ADAM15: variants seen among roughly 807,000 people sequenced by gnomAD.
ADAM15 encodes ADAM metallopeptidase domain 15, also known as disintegrin and metalloproteinase domain-containing protein 15.
In ADAM15, 77 loss-of-function variants were observed where a neutral mutation model predicts 113.8. The observed-to-expected ratio is 0.68, with a 90% confidence interval of 0.56 to 0.82. The LOEUF is 0.82. ADAM15 is among the 40% of genes least tolerant of loss of function. ADAM15 has a pLI of 0.00. For missense variants in ADAM15, 963 were observed against 1,120.1 expected, an observed-to-expected ratio of 0.86 and a Z score of 2.00; for synonymous variants, 388 against 454.1, an observed-to-expected ratio of 0.85 and a Z score of 1.85.
In ADAM15 at chr1:155,058,086, A is replaced by G. The variant is rs1662045256; in HGVS notation, c.1652A>G (p.Asn551Ser). 1 of 1,613,968 alleles carries G rather than the reference A, an allele frequency of 6.2e-7. No homozygotes were observed. Among genetic ancestry groups the G allele is most frequent in the African/African-American group, 1.3e-5 (1 of 74,920 alleles). Reference protein sequence around the residue: ...PAAPLCLQTANTRGNAFGSCG... With the variant: ...PAAPLCLQTASTRGNAFGSCG... ...GCGCCACTTTGCCTCCAGACAGCTA[A>G]TACTCGGGGAAATGCTTTTGGGAGC... The change falls in exon 14 of 23, where the codon AAT becomes AGT. Residue 551 changes from asparagine (N) to serine (S), a missense_variant. Transcript: ENST00000356955. The surrounding 1 kb of genome is among the most constrained non-coding windows in gnomAD (Gnocchi z 4.3).
chr1:155,061,831 C>T, intron 20 of ADAM15, 73 bp from the exon 21 acceptor site: 7 of 1,446,524 alleles, frequency 4.8e-6, no homozygotes, highest in Non-Finnish European at 6.5e-6. Flanking sequence ...ACTTGAACCC[C>T]TCTGGGGAAT....
chr1:155,061,123 C>T, intron 19 of ADAM15: 1 of 579,510 alleles, frequency 1.7e-6, no homozygotes, highest in Non-Finnish European at 3.1e-6. Context: ...GCAGTGACCC[C>T]AGGAGGGCAC....
At chr1:155,052,480 G>A (rs1661182979) in intron 1 of ADAM15, 191 bp from the exon 2 acceptor site, 1 of 1,533,156 alleles carries the variant, frequency 6.5e-7, no homozygotes, top group African/African-American at 1.4e-5. Flanking sequence ...TTGGTGGGTG[G>A]AAAGCCATAA....
chr1:155,057,755 C>A lies in ADAM15; in HGVS notation c.1416+26C>A, dbSNP rs367848266. 1.9e-6 allele frequency: 3 copies of A among 1,613,948 alleles called. No homozygotes were observed. The Admixed American group carries it at 5.0e-5, about 27-fold the overall frequency. On this transcript the variant is annotated intron_variant, in intron 13 of 22. Transcript: ENST00000356955. This position sits in a 1 kb window ranked among gnomAD's most constrained non-coding sequence, Gnocchi z 5.0. ...GTGGGTAGAGACTAGACTGGCCACC[C>A]GGAGCTCACCTGCCGGGGCCAAGGT...
In ADAM15 at chr1:155,058,276, G is replaced by C. The variant is rs1662070544; in HGVS notation, c.1752G>C (p.Gln584His). ...RDAICGQLQCQTGRTQPLLGS... is the reference protein window; with the variant it reads ...RDAICGQLQCHTGRTQPLLGS... ...CCATTTGTGGGCAGCTCCAGTGCCAGACAGGTAGGACCCAGCCTCTGCTGG... is the reference window on the plus strand; with the variant it reads ...CCATTTGTGGGCAGCTCCAGTGCCACACAGGTAGGACCCAGCCTCTGCTGG... The change falls in exon 15 of 23, where the codon CAG becomes CAC. Residue 584 changes from glutamine to histidine, a missense_variant. By Grantham distance (24) the Gln-to-His change is conservative. Transcript: ENST00000356955. The surrounding 1 kb of genome is among the most constrained non-coding windows in gnomAD (Gnocchi z 4.3). 1.2e-6 allele frequency: 2 copies of C among 1,614,000 alleles called. No individual in the cohort carries two copies. The highest frequency in any genetic ancestry group is 1.3e-5 in the African/African-American group (1 of 74,932).
intron 2 of ADAM15, 52 bp from the exon 3 acceptor site, chr1:155,053,365 C>G: frequency 6.5e-7 from 1 of 1,549,536 alleles, no homozygotes; most frequent in Non-Finnish European, 8.9e-7. Flanking sequence ...GTTAGAGAGG[C>G]TGGGAGTTGT....
In ADAM15 at chr1:155,056,388, G is replaced by C; in HGVS notation, c.917G>C (p.Gly306Ala). Residue 306 changes from glycine (G) to alanine (A), a missense_variant and splice_region_variant, in exon 10 of 23, where the codon GGT (glycine) becomes GCT (alanine). By Grantham distance (60) the Gly-to-Ala change is moderately conservative. Coordinates refer to ENST00000356955, the MANE Select transcript of ADAM15 (RefSeq NM_207197.3). This position sits in a 1 kb window ranked among gnomAD's most constrained non-coding sequence, Gnocchi z 4.0. Reference sequence around the variant, plus strand: ...ACTTTAGCCTCTCTGTCCCACAGTGGTACTTCATTCTCTGGGCCTACGGTG... The same window carrying C: ...ACTTTAGCCTCTCTGTCCCACAGTGCTACTTCATTCTCTGGGCCTACGGTG... ...LPHDSAQLVT[G>A]TSFSGPTVGM... is the part of the protein sequence containing the mutation. 6.2e-7 allele frequency: 1 copy of C among 1,614,074 alleles called. No homozygotes were observed. The highest frequency in any genetic ancestry group is 8.5e-7 in the Non-Finnish European group (1 of 1,179,948).
rs888536720 is a variant in ADAM15, at chr1:155,055,854, T to C, written c.675+2T>C. The C allele has an allele frequency of 1.5e-5, 25 of 1,614,016 alleles. No homozygotes were observed. Among genetic ancestry groups the C allele is most frequent in the Non-Finnish European group, 1.6e-5 (19 of 1,180,016 alleles). On this transcript the variant is annotated splice_donor_variant, in intron 7 of 22. Coordinates refer to ENST00000356955, the MANE Select transcript of ADAM15 (RefSeq NM_207197.3). LOFTEE classifies it high-confidence loss of function. ...GTGATTGTGGCTGATCACTCGGAGG[T>C]GAGCCTGCTGGCCCCTGCACATCCT...
chr1:155,061,724 CCT>C (rs1662643414), intron 20 of ADAM15, 178 bp from the exon 21 acceptor site: 5 of 817,578 alleles, frequency 6.1e-6, no homozygotes, highest in Admixed American at 5.4e-5. Context: ...CTGCGGTTGA[CCT>C]ACACCTTCCT....
In ADAM15 at chr1:155,060,487, C is replaced by T. The variant is rs577681137; in HGVS notation, c.2207+144C>T. 6.3e-5 allele frequency: 77 copies of T among 1,215,004 alleles called. 1 individual carries two copies. The African/African-American group carries it at 1.0e-3, about 16-fold the overall frequency. 75.3% of individuals were successfully genotyped at this position (1,215,004 alleles called of 1,614,324 possible). On this transcript the variant is annotated intron_variant, in intron 18 of 22. Coordinates refer to ENST00000356955, the MANE Select transcript of ADAM15 (RefSeq NM_207197.3). ...TGCTGACTGCCATACCCCACACCTC[C>T]CTTCCCTATATGTGCCCACAGCTTT...
rs1661744007 is a variant in ADAM15, at chr1:155,056,235, T to C, written c.900T>C (p.Ser300=). ...TGCTGCCTCGATTGCCCCATGACAG[T>C]GCCCAGCTGGTGACGTAAGGGCCCC... ...AHLLPRLPHD[S]AQLVTGTSFS... Residue 300 remains serine, a synonymous_variant, in exon 9 of 23, where the codon AGT becomes AGC. Coordinates refer to ENST00000356955, the MANE Select transcript of ADAM15 (RefSeq NM_207197.3). This position sits in a 1 kb window ranked among gnomAD's most constrained non-coding sequence, Gnocchi z 4.0. The C allele has an allele frequency of 6.2e-7, 1 of 1,613,860 alleles. No individual in the cohort carries two copies. Among genetic ancestry groups the C allele is most frequent in the Admixed American group, 1.7e-5 (1 of 59,998 alleles).
intron 6 of ADAM15, 160 bp from the exon 7 acceptor site, chr1:155,055,630 A>T: frequency 1.4e-6 from 1 of 711,508 alleles, no homozygotes; most frequent in Admixed American, 2.4e-5. Flanking sequence ...CTCCTTGGCA[A>T]GTTCCTGGGC....
chr1:155,060,187 C>T lies in ADAM15; in HGVS notation c.2069-18C>T. ...GTTCTTAGCCCCGTCCTCCCTTAAA[C>T]CTGACTTCCGCCCACAGCAACCAGC... On this transcript the variant is annotated intron_variant, in intron 17 of 22. Coordinates refer to ENST00000356955, the MANE Select transcript of ADAM15 (RefSeq NM_207197.3). 1 of 1,613,242 alleles carries T rather than the reference C, an allele frequency of 6.2e-7. No individual in the cohort carries two copies.
chr1:155,059,814 T>C (rs1662321876), intron 16 of ADAM15, 88 bp from the exon 17 acceptor site: 23 of 1,420,686 alleles, frequency 1.6e-5, no homozygotes, highest in Non-Finnish European at 2.1e-5. Flanking sequence ...CAACCCCCAG[T>C]TGTAGAAATC....
At chr1:155,060,976 G>A in intron 19 of ADAM15, 144 bp downstream of exon 19, 2 of 776,914 alleles carry the variant, frequency 2.6e-6, no homozygotes, top group Non-Finnish European at 4.1e-6. Context: ...GGCCAGCCCT[G>A]CCCTCCCCTC....
In ADAM15 at chr1:155,062,191, T is replaced by G; in HGVS notation, c.2425-54T>G. ...TTCCCCAGCACCAGTGCGTTGGGGG[T>G]GGGCAACATGACACCCCCCCACCTA... On this transcript the variant is annotated intron_variant, in intron 21 of 22. Coordinates refer to ENST00000356955, the MANE Select transcript of ADAM15 (RefSeq NM_207197.3). The surrounding 1 kb of genome is among the most constrained non-coding windows in gnomAD (Gnocchi z 7.0). The G allele has an allele frequency of 6.9e-7, 1 of 1,443,178 alleles. No homozygotes were observed. The highest frequency in any genetic ancestry group is 9.1e-7 in the Non-Finnish European group (1 of 1,095,132). The allele number at this position is 1,443,178 out of a possible 1,614,324, so 89.4% of individuals were successfully genotyped here. A position where few individuals can be genotyped will look rare whatever the true frequency, so the allele number is the denominator to read the frequency against.
chr1:155,052,479 G>A, intron 1 of ADAM15, 192 bp from the exon 2 acceptor site: 4 of 1,532,424 alleles, frequency 2.6e-6, no homozygotes, highest in Non-Finnish European at 3.5e-6. Flanking sequence ...GTTGGTGGGT[G>A]GAAAGCCATA....
Position 155,060,828 on chromosome 1 carries a change from C to T in ADAM15, c.2273C>T (p.Thr758Ile), listed in dbSNP as rs894893657. The T allele has an allele frequency of 6.2e-7, 1 of 1,611,338 alleles. No individual in the cohort carries two copies. Residue 758 changes from threonine to isoleucine, a missense_variant, in exon 19 of 23, where the codon ACT (threonine) becomes ATT (isoleucine). Physicochemically the swap from Thr to Ile is moderately conservative, Grantham distance 89. Transcript: ENST00000356955. ...CAGAGGGCCCTGCTGGCACGAGGCA[C>T]TAAGGTGAGTCCTGGATGCCAGAGG... ...PPQRALLARGTKQASALSFPA... is the reference protein window; with the variant it reads ...PPQRALLARGIKQASALSFPA...
Position 155,051,382 on chromosome 1 carries a change from C to T in ADAM15, c.-5C>T, listed in dbSNP as rs955530682. 1.3e-6 allele frequency: 2 copies of T among 1,509,996 alleles called. No individual in the cohort carries two copies. Among genetic ancestry groups the T allele is most frequent in the African/African-American group, 2.9e-5 (2 of 68,946 alleles). The allele number at this position is 1,509,996 out of a possible 1,614,324, so 93.5% of individuals were successfully genotyped here. A position where few individuals can be genotyped will look rare whatever the true frequency, so the allele number is the denominator to read the frequency against. Reference sequence around the variant, plus strand: ...TGCCCTCGCCCGGCCCGGAGCGCCGCTGCCATGCGGCTGGCGCTGCTCTGG... The same window carrying T: ...TGCCCTCGCCCGGCCCGGAGCGCCGTTGCCATGCGGCTGGCGCTGCTCTGG... On this transcript the variant is annotated 5_prime_UTR_variant, in exon 1 of 23. Transcript: ENST00000356955.
Sources: gnomAD v4.1 joint callset for allele counts on GRCh38, gnomAD v4.1.1 for gene constraint, Gnocchi (gnomAD v3.1) non-coding constraint, MANE v1.5 for transcripts, NCBI Gene and HGNC (gene_info 2026-07-23, HGNC 2026-07-21) for gene names.